Variants in DAB1 observed in about 807,000 individuals in gnomAD.
DAB1 encodes DAB adaptor protein 1.
A neutral mutation model predicts 64.6 loss-of-function variants in DAB1; 15 were observed. The ratio of observed to expected loss-of-function variants is 0.23; its 90% CI spans 0.16 to 0.36. The LOEUF is 0.36. Among genes scored for constraint, DAB1 ranks in the 10% least tolerant of loss-of-function variants. The pLI, the probability that DAB1 is intolerant of heterozygous loss-of-function variation, is 1.00. For synonymous variants in DAB1, 235 were observed against 251.9 expected, an observed-to-expected ratio of 0.93 and a Z score of 0.64; for missense variants, 596 against 706.7, an observed-to-expected ratio of 0.84 and a Z score of 1.78.
rs116108446 is a variant in DAB1, at chr1:57,960,707, T to C, written n.388-76545A>G. 8.6e-3 allele frequency among the ~76,000 whole-genome samples: 1,312 copies of C among 152,364 alleles called. 16 individuals carry two copies. Among genetic ancestry groups the C allele is most frequent in the African/African-American group, 0.03 (1,244 of 41,588 alleles). ...GAGGCTGAAGAAGTCCTTTCTGCTCTTTTTAGGGAGTCTAGTTCTAGCCAA... is the reference window on the plus strand; with the variant it reads ...GAGGCTGAAGAAGTCCTTTCTGCTCCTTTTAGGGAGTCTAGTTCTAGCCAA... On this transcript the variant is annotated intron_variant and non_coding_transcript_variant, in intron 5 of 20. Coordinates refer to the DAB1 transcript ENST00000485760.
chr1:58,084,472 T>A (rs1361586673), intron 5 of DAB1: 1 of 161,628 alleles, frequency 6.2e-6, no homozygotes, highest in East Asian at 1.6e-4. Flanking sequence ...TTTTCAAAGG[T>A]CTGATGAGTC....
At chr1:57,953,272 G>A (rs907091660) in intron 5 of DAB1, among the ~76,000 whole-genome samples, 4 of 152,272 alleles carry the variant, frequency 2.6e-5, no homozygotes, top group South Asian at 2.1e-4. Context: ...GAATGTATAC[G>A]GGGTGTTGGA....
intron 3 of DAB1, among the ~76,000 whole-genome samples, chr1:58,451,583 G>A (rs187783057): frequency 6.6e-6 from 1 of 152,272 alleles, no homozygotes; most frequent in East Asian, 1.9e-4. Context: ...GGGGAAAATG[G>A]GTGAAGGATA....
intron 2 of DAB1, among the ~76,000 whole-genome samples, chr1:57,179,768 T>C (rs187937829): frequency 6.6e-6 from 1 of 152,280 alleles, no homozygotes; most frequent in Admixed American, 6.5e-5. Flanking sequence ...CCTGAGACAA[T>C]GATTAGCTAT....
At chr1:58,354,646 T>C (rs1371160224) in intron 3 of DAB1, among the ~76,000 whole-genome samples, 1 of 152,092 alleles carries the variant, frequency 6.6e-6, no homozygotes, top group Non-Finnish European at 1.5e-5. Flanking sequence ...ATTTATAATC[T>C]AGGAGGACAC....
At chr1:57,940,356 T>C (rs1479275423) in intron 5 of DAB1, among the ~76,000 whole-genome samples, 2 of 152,224 alleles carry the variant, frequency 1.3e-5, no homozygotes, top group Non-Finnish European at 2.9e-5. Context: ...GCATTCGATT[T>C]GTGAGCAAAC....
chr1:58,059,808 C>T (rs1417695327), intron 5 of DAB1, among the ~76,000 whole-genome samples: 3 of 152,242 alleles, frequency 2.0e-5, no homozygotes, highest in East Asian at 3.9e-4. Flanking sequence ...GAAGTCACAG[C>T]GAGGCTAAGC....
chr1:58,184,851 C>A (rs1656985349), intron 4 of DAB1, among the ~76,000 whole-genome samples: 1 of 152,088 alleles, frequency 6.6e-6, no homozygotes, highest in African/African-American at 2.4e-5. Flanking sequence ...ATGCATTTTG[C>A]CACTCTGAAG....
chr1:57,956,348 A>C (rs775603216), intron 5 of DAB1, among the ~76,000 whole-genome samples: 3 of 152,194 alleles, frequency 2.0e-5, no homozygotes, highest in Non-Finnish European at 2.9e-5. Flanking sequence ...AGAGAACTCT[A>C]TATGAGAGGG....
intron 3 of DAB1, among the ~76,000 whole-genome samples, chr1:58,495,607 G>C (rs141501256): frequency 2.0e-5 from 3 of 151,832 alleles, no homozygotes; most frequent in African/African-American, 7.2e-5. Flanking sequence ...TCTAATTCCT[G>C]ATTGTCAGTA....
intron 4 of DAB1, among the ~76,000 whole-genome samples, chr1:58,238,466 A>G (rs55933036): frequency 6.6e-6 from 1 of 152,168 alleles, no homozygotes; most frequent in Non-Finnish European, 1.5e-5. Flanking sequence ...GAATAGATGG[A>G]GTCCAGAGGA....
chr1:58,104,678 T>C (rs183839991), intron 5 of DAB1, among the ~76,000 whole-genome samples: 41 of 152,240 alleles, frequency 2.7e-4, no homozygotes, highest in South Asian at 2.1e-4. Context: ...TTTAAATCCA[T>C]TGGAGGGAAT....
intron 3 of DAB1, among the ~76,000 whole-genome samples, chr1:58,372,387 C>A (rs773087343): frequency 6.6e-6 from 1 of 152,200 alleles, no homozygotes; most frequent in Non-Finnish European, 1.5e-5. Context: ...ACTTATCCAA[C>A]GTCTGTACCC....
intron 5 of DAB1, among the ~76,000 whole-genome samples, chr1:57,983,475 T>C (rs72922554): frequency 0.018 from 2,808 of 152,212 alleles, 86 homozygotes; most frequent in African/African-American, 0.064. Flanking sequence ...AAGAGGACCA[T>C]AGCCTGGGCA....
At chr1:57,706,089 A>C (rs1015291937) in intron 6 of DAB1, among the ~76,000 whole-genome samples, 2 of 152,116 alleles carry the variant, frequency 1.3e-5, no homozygotes, top group Non-Finnish European at 1.5e-5. Flanking sequence ...AAAGGTTACA[A>C]AAATAGTACA....
chr1:57,938,532 T>C (rs1570032176), intron 5 of DAB1, among the ~76,000 whole-genome samples: 1 of 152,120 alleles, frequency 6.6e-6, no homozygotes, highest in Non-Finnish European at 1.5e-5. Flanking sequence ...ACTTGTTCGC[T>C]CTCTCTCACC....
intron 7 of DAB1, among the ~76,000 whole-genome samples, chr1:57,439,423 T>TTTTTTTTTTTTTTTTTTG (rs1558381316): frequency 2.6e-5 from 3 of 117,102 alleles, no homozygotes; most frequent in Non-Finnish European, 5.1e-5. Context: ...ATGAGGTTTT[T>TTTTTTTTTTTTTTTTTTG]TCTTTTTTTT....
chr1:57,098,622 T>C (rs1001441968), intron 4 of DAB1, among the ~76,000 whole-genome samples: 9 of 152,236 alleles, frequency 5.9e-5, no homozygotes, highest in Non-Finnish European at 1.0e-4. Flanking sequence ...TGATTTATCA[T>C]GCATACATTA....
chr1:58,132,425 C>T (rs761922547), intron 5 of DAB1, among the ~76,000 whole-genome samples: 1 of 152,300 alleles, frequency 6.6e-6, no homozygotes. Flanking sequence ...TCTTCTGCGT[C>T]GCTCACGCTG....
Sources: gnomAD v4.1 joint callset for allele counts (sites outside exome capture counted in the v4.1 genomes callset) on GRCh38, gnomAD v4.1.1 for gene constraint, MANE v1.5 for transcripts, NCBI Gene and HGNC (gene_info 2026-07-23, HGNC 2026-07-21) for gene names.